Variants in RASAL1 observed in about 807,000 individuals in gnomAD.
RASAL1 encodes rasGAP-activating-like protein 1.
A neutral mutation model predicts 96.6 loss-of-function variants in RASAL1; 72 were observed. The ratio of observed to expected loss-of-function variants is 0.75; its 90% confidence interval spans 0.62 to 0.91. The LOEUF is 0.91. Ranked by LOEUF, RASAL1 falls within the 40% of genes least tolerant of loss-of-function variation. The probability of loss-of-function intolerance (pLI) is 0.00; values close to 1 mark genes in which losing one functional copy is unlikely to be tolerated. For synonymous variants in RASAL1, 405 were observed against 430.4 expected (o/e 0.94, Z 0.73); for missense variants, 1,016 against 1,072.5 (o/e 0.95, Z 0.74).
intron 8 of RASAL1, 121 bp from the exon 9 acceptor site, chr12:113,116,172 C>G (rs1566055336): frequency 4.7e-5 from 32 of 682,274 alleles, no homozygotes; most frequent in Non-Finnish European, 7.3e-5. Context: ...CAGTTTGTGA[C>G]CAGCCTGACC....
rs141545340 is a variant in RASAL1 at position 113,114,298 on chromosome 12, C to A, written c.1181+502G>T. ...GACCAGCCTGGGCAATGTGGCAAAACCCTGTCTCTGCTAAAAATGTAAAAA... is the reference window on the plus strand; with the variant it reads ...GACCAGCCTGGGCAATGTGGCAAAAACCTGTCTCTGCTAAAAATGTAAAAA... On this transcript the variant is annotated intron_variant, in intron 12 of 20. Transcript: ENST00000548055. Among the ~76,000 whole-genome samples, 585 of 151,928 alleles carry A rather than the reference C, an allele frequency of 3.9e-3. 3 individuals carry two copies. Among genetic ancestry groups the A allele is most frequent in the African/African-American group, 0.013 (553 of 41,446 alleles).
At chr12:113,119,068 T>G (rs1428543173) in intron 7 of RASAL1, 60 bp downstream of exon 7, 1 of 1,515,446 alleles carries the variant, frequency 6.6e-7, no homozygotes, top group Admixed American at 2.1e-5. Context: ...CCGTCTCATC[T>G]TTCTTCCCCC....
At chr12:113,116,792 A>G (rs1951104248) in intron 8 of RASAL1, among the ~76,000 whole-genome samples, 1 of 152,222 alleles carries the variant, frequency 6.6e-6, no homozygotes, top group African/African-American at 2.4e-5. Flanking sequence ...AAGTGTGTTC[A>G]AGAATGAACA....
intron 14 of RASAL1, 54 bp downstream of exon 14, chr12:113,108,031 A>G: frequency 6.4e-7 from 1 of 1,561,426 alleles, no homozygotes; most frequent in Non-Finnish European, 8.6e-7. Context: ...TGCTCCTACC[A>G]TGCTTTTTTC....
intron 13 of RASAL1, among the ~76,000 whole-genome samples, chr12:113,108,921 A>G (rs1592901623): frequency 1.4e-5 from 2 of 141,620 alleles, no homozygotes; most frequent in Non-Finnish European, 3.0e-5. Context: ...TGCAACCTCC[A>G]CCTCCCAGTT....
rs1951546909 is a variant in RASAL1, at chr12:113,127,863, TGTC to T, written c.244_246del (p.Asp82del). On this transcript the variant is annotated inframe_deletion, in exon 4 of 21. Coordinates refer to ENST00000548055, the MANE Select transcript of RASAL1 (RefSeq NM_001301202.2). ...CTGCTCAGCGAGATCTTGCCGATGATGTCGTCGTGCCTGCAGGAAGGCGGGCAC... is the reference window on the plus strand; with the variant it reads ...CTGCTCAGCGAGATCTTGCCGATGATGTCGTGCCTGCAGGAAGGCGGGCAC... 3 of 1,613,354 alleles carry T rather than the reference TGTC, an allele frequency of 1.9e-6. No homozygotes were observed. The highest frequency in any genetic ancestry group is 2.5e-6 in the Non-Finnish European group (3 of 1,179,408).
intron 18 of RASAL1, 27 bp from the exon 19 acceptor site, chr12:113,102,036 GT>G: frequency 1.2e-6 from 2 of 1,606,042 alleles, no homozygotes; most frequent in Non-Finnish European, 1.7e-6. Flanking sequence ...TCATTCATCA[GT>G]AACTCCCTCT....
rs756494441 is a variant in RASAL1 at position 113,130,866 on chromosome 12, C to A, written c.122+19G>T. 2.9e-5 allele frequency: 46 copies of A among 1,608,892 alleles called. No individual in the cohort carries two copies. Among genetic ancestry groups the A allele is most frequent in the Non-Finnish European group, 4.3e-6 (5 of 1,176,324 alleles). The stretch of plus-strand genomic sequence containing the variant: ...GAGACCCCTCCCTTCCTCCTCTCCC[C>A]CGTGTCGCCACCCCTCACCTGGCCA... On this transcript the variant is annotated intron_variant, in intron 2 of 20. Transcript: ENST00000548055. This position sits in a 1 kb window ranked among gnomAD's most constrained non-coding sequence, Gnocchi z 5.1.
At chr12:113,132,052 A>C (rs1201667504) in intron 1 of RASAL1, among the ~76,000 whole-genome samples, 1 of 149,308 alleles carries the variant, frequency 6.7e-6, no homozygotes, top group African/African-American at 2.5e-5. Flanking sequence ...GTTCACTGCA[A>C]TCTCTGCCTC....
chr12:113,117,545 C>T (rs1452741346), intron 7 of RASAL1, among the ~76,000 whole-genome samples: 5 of 152,208 alleles, frequency 3.3e-5, no homozygotes, highest in Non-Finnish European at 7.3e-5. Context: ...GCCCCACACT[C>T]TCTCTCTTTT....
At position 113,103,979 on chromosome 12, in the gene RASAL1, G is replaced by A; in HGVS notation, c.2071C>T (p.Arg691Cys). 3.8e-6 allele frequency: 6 copies of A among 1,565,644 alleles called. No individual in the cohort carries two copies. The highest frequency in any genetic ancestry group is 5.2e-6 in the Non-Finnish European group (6 of 1,155,142). ...TCAGCCTGGAGGCAGCAGGTCCAGC[G>A]CGCGCTGCGGAAGGCACCGGGGTGG... is the stretch of plus-strand genomic sequence containing the variant. The part of the protein sequence containing the change: ...ACHPGAFRSA[R>C]WTCCLQAERS... Residue 691 changes from arginine (R) to cysteine (C), a missense_variant, in exon 18 of 21, where the codon CGC becomes TGC. Arg to Cys is a radical substitution (Grantham distance 180, BLOSUM62 -3). Coordinates refer to ENST00000548055, the MANE Select transcript of RASAL1 (RefSeq NM_001301202.2).
intron 18 of RASAL1, 113 bp downstream of exon 18, chr12:113,103,833 T>G: frequency 3.0e-6 from 4 of 1,353,486 alleles, no homozygotes; most frequent in Non-Finnish European, 4.1e-6. Context: ...GACTGAGGCA[T>G]AGAGAGGTTG....
intron 13 of RASAL1, among the ~76,000 whole-genome samples, chr12:113,108,564 C>T (rs570183225): frequency 5.3e-5 from 8 of 152,298 alleles, no homozygotes; most frequent in South Asian, 4.1e-4. Flanking sequence ...AGACATCAAG[C>T]GATTTGCCCA....
rs767633294 is a variant in RASAL1, at chr12:113,114,876, G to T, written c.1105C>A (p.Pro369Thr). The change falls in exon 12 of 21, where the codon CCT (proline) becomes ACT (threonine). Residue 369 changes from proline to threonine, a missense_variant. Transcript: ENST00000548055. ...GMPYLHEVLK[P>T]VISRVFEEKK... The stretch of plus-strand genomic sequence containing the variant: ...TCCTCAAAGACACGGCTAATCACAG[G>T]CTTCAGGACCTCGTGCAGGTAGGGC... 6.2e-7 allele frequency: 1 copy of T among 1,614,142 alleles called. No homozygotes were observed. Among genetic ancestry groups the T allele is most frequent in the Non-Finnish European group, 8.5e-7 (1 of 1,180,012 alleles).
intron 14 of RASAL1, 200 bp from the exon 15 acceptor site, chr12:113,107,441 G>GA: frequency 1.5e-6 from 1 of 666,086 alleles, no homozygotes; most frequent in South Asian, 1.7e-5. Context: ...TGGCCAACAT[G>GA]GTGATACCTC....
chr12:113,109,467 C>T (rs1415284633), intron 13 of RASAL1, among the ~76,000 whole-genome samples: 4 of 152,154 alleles, frequency 2.6e-5, no homozygotes, highest in South Asian at 2.1e-4. Flanking sequence ...CATGTGAATC[C>T]GGGGCCTGGC....
chr12:113,104,740 G>A (rs376952672), intron 16 of RASAL1, among the ~76,000 whole-genome samples: 18 of 152,274 alleles, frequency 1.2e-4, no homozygotes, highest in African/African-American at 4.1e-4. Context: ...GGCCTCAAGT[G>A]ATCTGCCCAC....
intron 16 of RASAL1, among the ~76,000 whole-genome samples, chr12:113,105,179 G>T (rs1950603151): frequency 6.6e-6 from 1 of 152,198 alleles, no homozygotes; most frequent in Non-Finnish European, 1.5e-5. Context: ...CGTGTCTCGG[G>T]GCATTCTAGT....
chr12:113,101,773 G>C (rs1022365793), intron 19 of RASAL1, 116 bp downstream of exon 19: 1 of 1,361,748 alleles, frequency 7.3e-7, no homozygotes, highest in Non-Finnish European at 9.7e-7. Context: ...CCAGGCCCCC[G>C]GGGAATATCC....
Sources: allele counts gnomAD v4.1 joint callset (sites outside exome capture counted in the v4.1 genomes callset), GRCh38; gene constraint gnomAD v4.1.1; non-coding constraint Gnocchi (gnomAD v3.1); transcripts MANE v1.5; gene names NCBI Gene and HGNC (gene_info 2026-07-23, HGNC 2026-07-21).